NFAT5: variants seen among roughly 807,000 people sequenced by gnomAD.
The protein encoded by NFAT5 is nuclear factor of activated T-cells 5.
In NFAT5, 31 loss-of-function variants were observed where a neutral mutation model predicts 166.5. The observed-to-expected ratio is 0.19, with a 90% CI of 0.14 to 0.25. The LOEUF (loss-of-function observed/expected upper bound fraction) is 0.25, where lower values mean the gene tolerates loss of function less well. NFAT5 is among the 10% of genes least tolerant of loss of function. The probability of loss-of-function intolerance (pLI) is 1.00; values close to 1 mark genes in which losing one functional copy is unlikely to be tolerated. For synonymous variants in NFAT5, 612 were observed against 639.7 expected, an observed-to-expected ratio of 0.96 and a Z score of 0.65; for missense variants, 1,449 against 1,821.8, an observed-to-expected ratio of 0.80 and a Z score of 3.72.
chr16:69,629,453 C>T (rs141881887), intron 3 of NFAT5, among the ~76,000 whole-genome samples: 1 of 152,218 alleles, frequency 6.6e-6, no homozygotes, highest in African/African-American at 2.4e-5. Context: ...TGCTTCTACA[C>T]AATTCATACT....
intron 2 of NFAT5, among the ~76,000 whole-genome samples, chr16:69,597,151 T>C (rs1567528551): frequency 6.6e-6 from 1 of 152,026 alleles, no homozygotes; most frequent in South Asian, 2.1e-4. Flanking sequence ...TATTGAAGAA[T>C]TGAAAGAAAT....
In NFAT5 at chr16:69,684,966, G is replaced by A. The variant is rs992017439; in HGVS notation, c.1770G>A (p.Met590Ile). The change falls in exon 11 of 15, where the codon ATG (methionine) becomes ATA (isoleucine). Residue 590 changes from methionine to isoleucine, a missense_variant. Around this residue, in one of 7 missense-constraint regions of NFAT5, gnomAD observed 245 missense variants for 366.6 expected, o/e 0.67. Coordinates refer to ENST00000349945, the MANE Select transcript of NFAT5 (RefSeq NM_138713.4). ...PARPCSFEEA[M>I]KAMKTTGCNL... The stretch of plus-strand genomic sequence containing the variant: ...GACCTTGCTCTTTTGAAGAGGCCAT[G>A]AAAGGTACCAAGTAAATTCTTCTCA... 1 of 1,607,498 alleles carries A rather than the reference G, an allele frequency of 6.2e-7. No individual in the cohort carries two copies. Among genetic ancestry groups the A allele is most frequent in the Non-Finnish European group, 8.5e-7 (1 of 1,176,320 alleles).
At chr16:69,685,978 G>C (rs1328332699) in intron 11 of NFAT5, 1 of 152,132 alleles carries the variant, frequency 6.6e-6, no homozygotes, top group Non-Finnish European at 1.5e-5. Flanking sequence ...TCAGGAAGCA[G>C]AGGTTGCGGT....
intron 2 of NFAT5, 142 bp from the exon 3 acceptor site, chr16:69,626,261 T>C: frequency 3.0e-6 from 2 of 675,464 alleles, no homozygotes; most frequent in Non-Finnish European, 2.2e-6. Flanking sequence ...TGCTAATAGC[T>C]CTTTACATTA....
chr16:69,691,601 A>T (rs919646596), intron 12 of NFAT5, 148 bp from the exon 13 acceptor site: 1 of 612,744 alleles, frequency 1.6e-6, no homozygotes, highest in Non-Finnish European at 2.8e-6. Context: ...GGAGAATTGT[A>T]GTCCTGTACC....
At chr16:69,668,977 T>G (rs894920334) in intron 7 of NFAT5, among the ~76,000 whole-genome samples, 3 of 152,194 alleles carry the variant, frequency 2.0e-5, no homozygotes, top group African/African-American at 7.2e-5. Context: ...CACTGCAGCC[T>G]CAACCTCTGG....
At chr16:69,686,214 A>G (rs1004457184) in intron 11 of NFAT5, 6 of 152,182 alleles carry the variant, frequency 3.9e-5, no homozygotes, top group African/African-American at 9.6e-5. Context: ...TTAGCCTGGC[A>G]TGGTGATGTG....
In NFAT5 at chr16:69,685,103, T is replaced by C. The variant is rs570160085; in HGVS notation, c.1774+133T>C. Reference sequence around the variant, plus strand: ...GTATCTTCATATTGTAAAATAAATATGTGTTTAACTTTACTAAATGTAGAG... The same window carrying C: ...GTATCTTCATATTGTAAAATAAATACGTGTTTAACTTTACTAAATGTAGAG... On this transcript the variant is annotated intron_variant, in intron 11 of 14. Transcript: ENST00000349945. 517 of 395,020 alleles carry C rather than the reference T, an allele frequency of 1.3e-3. 1 individual carries two copies. The highest frequency in any genetic ancestry group is 1.8e-3 in the Non-Finnish European group (392 of 219,916). The allele number at this position is 395,020 out of a possible 1,614,324, so 24.5% of individuals were successfully genotyped here. A position where few individuals can be genotyped will look rare whatever the true frequency, so the allele number is the denominator to read the frequency against.
intron 2 of NFAT5, among the ~76,000 whole-genome samples, chr16:69,571,129 TAAAAAAAAAAAAAA>T (rs56221116): frequency 3.2e-5 from 1 of 31,380 alleles, no homozygotes; most frequent in Admixed American, 5.3e-4. Flanking sequence ...CCATCTCTAC[TAAAAAAAAAAAAAA>T]AAAAAAAAAA....
rs1003464801 is a variant in NFAT5 at position 69,702,427 on chromosome 16, G to T, written c.*6076G>T. ...AAACATTCAGCTTGCTAACCTACAT[G>T]TTTGGGAATTCATTAAAACCAGTTG... is the stretch of plus-strand genomic sequence containing the variant. On this transcript the variant is annotated 3_prime_UTR_variant, in exon 15 of 15. Transcript: ENST00000349945. 3 of 152,238 alleles carry T rather than the reference G, an allele frequency of 2.0e-5. No individual in the cohort carries two copies. Among genetic ancestry groups the T allele is most frequent in the Non-Finnish European group, 4.4e-5 (3 of 68,034 alleles). The allele number at this position is 152,238 out of a possible 1,614,324, so 9.4% of individuals were successfully genotyped here.
chr16:69,575,531 C>G (rs1289596524), intron 2 of NFAT5, among the ~76,000 whole-genome samples: 2 of 151,896 alleles, frequency 1.3e-5, no homozygotes, highest in Admixed American at 1.3e-4. Flanking sequence ...CATCTGAGCC[C>G]AGGACGTCAA....
chr16:69,666,452 A>G (rs2036384394), intron 7 of NFAT5, among the ~76,000 whole-genome samples: 1 of 151,704 alleles, frequency 6.6e-6, no homozygotes, highest in African/African-American at 2.4e-5. Flanking sequence ...AGAATCTACA[A>G]TGAACTCAAA....
At chr16:69,660,434 A>G (rs1036583722) in intron 7 of NFAT5, among the ~76,000 whole-genome samples, 3 of 152,220 alleles carry the variant, frequency 2.0e-5, no homozygotes, top group Non-Finnish European at 4.4e-5. Flanking sequence ...TCTCAAAAAA[A>G]AAGAAAGTAA....
At chr16:69,680,233 T>C (rs1233664154) in intron 10 of NFAT5, among the ~76,000 whole-genome samples, 1 of 152,188 alleles carries the variant, frequency 6.6e-6, no homozygotes, top group Non-Finnish European at 1.5e-5. Context: ...AGAAAGATGG[T>C]ATAATTAATA....
At chr16:69,592,721 AAT>A (rs1312401521) in intron 2 of NFAT5, among the ~76,000 whole-genome samples, 6 of 152,226 alleles carry the variant, frequency 3.9e-5, no homozygotes, top group African/African-American at 1.4e-4. Context: ...TCTAGCTAAA[AAT>A]ATAAGAATGC....
intron 2 of NFAT5, among the ~76,000 whole-genome samples, chr16:69,610,147 C>A (rs1269175382): frequency 2.6e-5 from 4 of 151,838 alleles, no homozygotes; most frequent in Admixed American, 6.6e-5. Context: ...AAGTGAAGAC[C>A]CTGAGATATG....
chr16:69,655,809 TAGTA>T lies in NFAT5; in HGVS notation c.1196+13_1196+16del. 1.2e-6 allele frequency: 2 copies of T among 1,604,010 alleles called. No homozygotes were observed. The highest frequency in any genetic ancestry group is 2.7e-5 in the African/African-American group (2 of 74,814). On this transcript the variant is annotated intron_variant, in intron 6 of 14. Coordinates refer to ENST00000349945, the MANE Select transcript of NFAT5 (RefSeq NM_138713.4). ...ACAACATGACACTGGCGTAAGTACT[TAGTA>T]AGAATTTTTCATTATACATTACACT...
chr16:69,596,941 G>A (rs943258018), intron 2 of NFAT5, among the ~76,000 whole-genome samples: 1 of 152,088 alleles, frequency 6.6e-6, no homozygotes, highest in African/African-American at 2.4e-5. Flanking sequence ...AGTTTGATGA[G>A]GTGGGAAACA....
At position 69,581,270 on chromosome 16, in the gene NFAT5, G is replaced by A. The variant is rs192402303; in HGVS notation, c.127+12722G>A. Among the ~76,000 whole-genome samples the A allele has an allele frequency of 1.6e-4, 24 of 152,252 alleles. No homozygotes were observed. The East Asian group carries it at 4.4e-3, about 28-fold the overall frequency. On this transcript the variant is annotated intron_variant, in intron 2 of 14. Coordinates refer to ENST00000349945, the MANE Select transcript of NFAT5 (RefSeq NM_138713.4). Reference sequence around the variant, plus strand: ...TTGGCCAGGGTGGTCTCGAACTCCCGAGTTCCTTTTTATTGCAGAATAGTA... The same window carrying A: ...TTGGCCAGGGTGGTCTCGAACTCCCAAGTTCCTTTTTATTGCAGAATAGTA...
Sources: gnomAD v4.1 joint callset for allele counts (sites outside exome capture counted in the v4.1 genomes callset) on GRCh38, gnomAD v4.1.1 for gene constraint, gnomAD v4.1.1 regional missense constraint, MANE v1.5 for transcripts, NCBI Gene and HGNC (gene_info 2026-07-23, HGNC 2026-07-21) for gene names.